GON4L: variants seen among roughly 807,000 people sequenced by gnomAD.
GON4L encodes the protein gon-4 like, also known as GON-4-like protein.
In GON4L, 87 loss-of-function variants were observed where a neutral mutation model predicts 211.8. The ratio of observed to expected loss-of-function variants is 0.41; its 90% confidence interval spans 0.35 to 0.49. The LOEUF (loss-of-function observed/expected upper bound fraction) is 0.49. GON4L is among the 20% of genes least tolerant of loss of function. The pLI is 0.15. For missense variants in GON4L, 2,155 were observed against 2,659.5 expected (o/e 0.81, Z 4.17); for synonymous variants, 875 against 962.6 (o/e 0.91, Z 1.68).
At chr1:155,773,286 T>C (rs59791187) in intron 17 of GON4L, 76 bp from the exon 18 acceptor site, 76,586 of 1,558,086 alleles carry the variant, frequency 0.049, 2,241 homozygotes, top group African/African-American at 0.11. Context: ...GAATGCATTT[T>C]TGCATTTAGG....
intron 23 of GON4L, among the ~76,000 whole-genome samples, chr1:155,760,850 G>A (rs1661710886): frequency 2.0e-5 from 3 of 152,126 alleles, no homozygotes; most frequent in Admixed American, 2.0e-4. Context: ...GTGAGCAAGT[G>A]AAAAATCATC....
intron 1 of GON4L, 130 bp downstream of exon 1, chr1:155,857,017 T>G (rs961054302): frequency 6.6e-6 from 1 of 152,478 alleles, no homozygotes; most frequent in Non-Finnish European, 1.5e-5. Flanking sequence ...AACTAGACAC[T>G]GGACTTCACG....
At chr1:155,784,357 CCTTTTTTTTTTTT>C in intron 13 of GON4L, 2 of 140,128 alleles carry the variant, frequency 1.4e-5, no homozygotes, top group Non-Finnish European at 2.6e-5. Context: ...ATCTCTCTCT[CCTTTTTTTTTTTT>C]TTTTTTTTTT....
chr1:155,749,953 T>G lies in GON4L; in HGVS notation c.*631A>C. The G allele has an allele frequency of 7.0e-7, 1 of 1,433,130 alleles. No homozygotes were observed. Among genetic ancestry groups the G allele is most frequent in the Non-Finnish European group, 9.3e-7 (1 of 1,071,900 alleles). The allele number at this position is 1,433,130 out of a possible 1,614,324, so 88.8% of individuals were successfully genotyped here. ...GAGAGCATCCCAGTGTTTGGGGCAC[T>G]GTGTTCCTCTTCGTCCCTGCACCAG... On this transcript the variant is annotated 3_prime_UTR_variant, in exon 32 of 32. Transcript: ENST00000368331.
intron 11 of GON4L, among the ~76,000 whole-genome samples, chr1:155,804,053 T>A (rs761495445): frequency 2.0e-5 from 3 of 152,174 alleles, no homozygotes; most frequent in Non-Finnish European, 4.4e-5. Context: ...CAGTGTTCTT[T>A]TGGTAAATCA....
At chr1:155,855,510 G>GCCACTGCA (rs1672191168) in intron 1 of GON4L, among the ~76,000 whole-genome samples, 1 of 151,976 alleles carries the variant, frequency 6.6e-6, no homozygotes, top group South Asian at 2.1e-4. Flanking sequence ...TCCCATCCAA[G>GCCACTGCA]CCACTGCACC....
intron 3 of GON4L, among the ~76,000 whole-genome samples, chr1:155,825,789 T>A (rs1367339165): frequency 6.6e-6 from 1 of 151,754 alleles, no homozygotes; most frequent in African/African-American, 2.4e-5. Context: ...ATGCCTGTAA[T>A]CCCAGCACTT....
chr1:155,767,705 A>T (rs1168126807), intron 19 of GON4L, among the ~76,000 whole-genome samples, 164 bp from the exon 20 acceptor site: 1 of 152,176 alleles, frequency 6.6e-6, no homozygotes, highest in African/African-American at 2.4e-5. Context: ...ATATATAAAT[A>T]GCATATGCTG....
intron 11 of GON4L, among the ~76,000 whole-genome samples, chr1:155,797,143 C>G (rs1202148745): frequency 6.6e-6 from 1 of 151,930 alleles, no homozygotes; most frequent in Non-Finnish European, 1.5e-5. Context: ...AAGGTGGAGT[C>G]TCGCTCTGTC....
chr1:155,776,289 C>A, intron 16 of GON4L, 106 bp downstream of exon 16: 1 of 887,838 alleles, frequency 1.1e-6, no homozygotes, highest in Admixed American at 2.0e-5. Flanking sequence ...CAAAAATACC[C>A]GAGAGAAGAA....
intron 2 of GON4L, among the ~76,000 whole-genome samples, chr1:155,843,292 T>A (rs1427162318): frequency 6.6e-6 from 1 of 152,162 alleles, no homozygotes; most frequent in East Asian, 1.9e-4. Context: ...ATAGCCTGCA[T>A]GATTGCAGAA....
At position 155,765,797 on chromosome 1, in the gene GON4L, G is replaced by T; in HGVS notation, c.3676C>A (p.His1226Asn). 6.2e-7 allele frequency: 1 copy of T among 1,614,146 alleles called. No individual in the cohort carries two copies. Among genetic ancestry groups the T allele is most frequent in the Admixed American group, 1.7e-5 (1 of 60,008 alleles). ...GCACAAGCAATGTCCACATTCACGT[G>T]GGCCTTATCTTCAGGGGTGGATGGT... ...PIPSTPEDKAHVNVDIACAVA... is the reference protein window; with the variant it reads ...PIPSTPEDKANVNVDIACAVA... Residue 1226 changes from histidine to asparagine, a missense_variant, in exon 21 of 32, where the codon CAC becomes AAC. By Grantham distance (68) the His-to-Asn change is moderately conservative. Coordinates refer to ENST00000368331, the MANE Select transcript of GON4L (RefSeq NM_001282860.2).
At position 155,763,301 on chromosome 1, in the gene GON4L, G is replaced by T; in HGVS notation, c.4726+11C>A. On this transcript the variant is annotated intron_variant, in intron 22 of 31. Transcript: ENST00000368331. Reference sequence around the variant, plus strand: ...GAGAATGGTCCTTCAGTATAGGTTTGCCTAGCTCACCTGGTGGAGTTCTGC... The same window carrying T: ...GAGAATGGTCCTTCAGTATAGGTTTTCCTAGCTCACCTGGTGGAGTTCTGC... 1 of 1,613,346 alleles carries T rather than the reference G, an allele frequency of 6.2e-7. No homozygotes were observed.
Position 155,766,091 on chromosome 1 carries a change from A to G in GON4L, c.3382T>C (p.Ser1128Pro). ...ACAGGGGCAGGTTTCATACAGGGAGAGGCCTTGACTCCTCTTCTCTTTGAG... is the reference window on the plus strand; with the variant it reads ...ACAGGGGCAGGTTTCATACAGGGAGGGGCCTTGACTCCTCTTCTCTTTGAG... ...RPSKRRGVKA[S>P]PCMKPAPVIH... Residue 1128 changes from serine to proline, a missense_variant, in exon 21 of 32, where the codon TCT becomes CCT. Coordinates refer to ENST00000368331, the MANE Select transcript of GON4L (RefSeq NM_001282860.2). 1 of 1,614,110 alleles carries G rather than the reference A, an allele frequency of 6.2e-7. No homozygotes were observed. Among genetic ancestry groups the G allele is most frequent in the Non-Finnish European group, 8.5e-7 (1 of 1,180,010 alleles).
intron 1 of GON4L, among the ~76,000 whole-genome samples, chr1:155,854,244 C>T (rs959224390): frequency 1.4e-4 from 21 of 152,204 alleles, no homozygotes; most frequent in Non-Finnish European, 2.1e-4. Flanking sequence ...CTCCGCCTCT[C>T]GCGTTTTACG....
chr1:155,821,200 A>G (rs1237760775), intron 5 of GON4L, among the ~76,000 whole-genome samples: 1 of 152,076 alleles, frequency 6.6e-6, no homozygotes, highest in African/African-American at 2.4e-5. Flanking sequence ...CGGGAGGCGG[A>G]GCTTGCAATG....
intron 11 of GON4L, among the ~76,000 whole-genome samples, chr1:155,798,586 T>TTTC (rs1666321590): frequency 6.9e-6 from 1 of 144,102 alleles, no homozygotes; most frequent in African/African-American, 2.5e-5. Flanking sequence ...ATTTTTTTTT[T>TTTC]TTTTTTTTTT....
In GON4L at chr1:155,767,650, C is replaced by T. The variant is rs1662670233; in HGVS notation, c.2647-109G>A. ...ATCAAGAGAAACACACACACACACA[C>T]ACACACACACACAAGACCACATACA... On this transcript the variant is annotated intron_variant, in intron 19 of 31. Coordinates refer to ENST00000368331, the MANE Select transcript of GON4L (RefSeq NM_001282860.2). 13 of 1,575,754 alleles carry T rather than the reference C, an allele frequency of 8.3e-6. No individual in the cohort carries two copies. The South Asian group carries it at 1.5e-4, about 18-fold the overall frequency.
intron 2 of GON4L, among the ~76,000 whole-genome samples, chr1:155,846,991 ACT>A (rs1395104126): frequency 6.6e-6 from 1 of 152,090 alleles, no homozygotes; most frequent in African/African-American, 2.4e-5. Context: ...CAAGAGTGAA[ACT>A]CTGTCTCAAA....
Sources: allele counts gnomAD v4.1 joint callset (sites outside exome capture counted in the v4.1 genomes callset), GRCh38; gene constraint gnomAD v4.1.1; transcripts MANE v1.5; gene names NCBI Gene and HGNC (gene_info 2026-07-23, HGNC 2026-07-21).